The following WWOX variants were observed in gnomAD, a reference collection of about 807,000 sequenced individuals.
WWOX encodes WW domain containing oxidoreductase.
Under a neutral mutation model 46.2 loss-of-function variants are expected in WWOX, and 69 were observed. The ratio of observed to expected loss-of-function variants is 1.49; its 90% confidence interval spans 1.23 to 1.82. The LOEUF (loss-of-function observed/expected upper bound fraction) is 1.82. Among genes scored for constraint, WWOX ranks in the 40% most tolerant of loss-of-function variants. The pLI is 0.00. For missense variants in WWOX, 919 were observed against 542.6 expected (o/e 1.69, Z -6.89); for synonymous variants, 359 against 202.6 (o/e 1.77, Z -6.56).
intron 6 of WWOX, among the ~76,000 whole-genome samples, chr16:78,389,569 A>C (rs548415839): frequency 1.8e-4 from 27 of 152,258 alleles, no homozygotes; most frequent in African/African-American, 5.8e-4. Context: ...GTTTTGATTC[A>C]ATTCTCAAAG....
chr16:78,582,634 A>G (rs2045089034), intron 8 of WWOX, among the ~76,000 whole-genome samples: 1 of 152,158 alleles, frequency 6.6e-6, no homozygotes, highest in African/African-American at 2.4e-5. Flanking sequence ...GATTGGTCCA[A>G]CCTTAGCCCG....
intron 8 of WWOX, among the ~76,000 whole-genome samples, chr16:78,791,804 G>A (rs2550596): frequency 0.92 from 140,213 of 152,116 alleles, 64,841 homozygotes; most frequent in Non-Finnish European, 0.96. Flanking sequence ...CACTTGAACC[G>A]GAGAGGCAGA....
chr16:78,664,522 G>C (rs947550701), intron 8 of WWOX, among the ~76,000 whole-genome samples: 1 of 152,162 alleles, frequency 6.6e-6, no homozygotes, highest in African/African-American at 2.4e-5. Flanking sequence ...TCACTAGCAG[G>C]GATTCCAAGC....
intron 4 of WWOX, among the ~76,000 whole-genome samples, chr16:78,156,523 A>G (rs1160045812): frequency 1.3e-5 from 2 of 152,194 alleles, no homozygotes; most frequent in East Asian, 3.9e-4. Flanking sequence ...TGCAAGAACC[A>G]TTTGTTTCTT....
At chr16:78,700,369 T>A (rs1367613642) in intron 8 of WWOX, among the ~76,000 whole-genome samples, 6 of 149,414 alleles carry the variant, frequency 4.0e-5, no homozygotes. Context: ...AGACCATCTC[T>A]CTTGTGTGTC....
chr16:79,054,046 C>T (rs996286270), intron 8 of WWOX, among the ~76,000 whole-genome samples: 3 of 151,888 alleles, frequency 2.0e-5, no homozygotes, highest in Non-Finnish European at 1.5e-5. Context: ...TTTATTACCT[C>T]ATTATAATTG....
intron 4 of WWOX, among the ~76,000 whole-genome samples, chr16:78,156,300 G>C (rs2034595116): frequency 6.6e-6 from 1 of 151,938 alleles, no homozygotes; most frequent in South Asian, 2.1e-4. Flanking sequence ...GACTTAACAG[G>C]TTTGTTTGGG....
intron 8 of WWOX, 81 bp from the exon 9 acceptor site, chr16:79,211,527 A>G (rs753519505): frequency 3.2e-6 from 5 of 1,575,740 alleles, no homozygotes; most frequent in East Asian, 4.5e-5. Context: ...GAGGCCTGCT[A>G]ATGCCCAGGC....
chr16:78,668,834 G>C (rs973096152), intron 8 of WWOX, among the ~76,000 whole-genome samples: 2 of 152,174 alleles, frequency 1.3e-5, no homozygotes, highest in Non-Finnish European at 2.9e-5. Flanking sequence ...GAGCGTGTCT[G>C]AGTCTTCCTG....
chr16:78,317,141 G>A (rs527814212), intron 5 of WWOX, among the ~76,000 whole-genome samples: 1 of 152,304 alleles, frequency 6.6e-6, no homozygotes, highest in East Asian at 1.9e-4. Flanking sequence ...AAAGAATGGA[G>A]GAGTAAGGGA....
At chr16:78,905,149 A>T (rs1024682366) in intron 8 of WWOX, among the ~76,000 whole-genome samples, 2 of 152,146 alleles carry the variant, frequency 1.3e-5, no homozygotes, top group Admixed American at 6.6e-5. Flanking sequence ...CTGACCCTCT[A>T]TGAGGGGTTA....
chr16:78,184,427 C>T (rs566358128), intron 5 of WWOX, among the ~76,000 whole-genome samples: 21 of 152,150 alleles, frequency 1.4e-4, no homozygotes, highest in African/African-American at 5.1e-4. Flanking sequence ...TAGAAATAAT[C>T]ATGAACTTAG....
At chr16:79,128,655 A>G (rs1322369417) in intron 8 of WWOX, among the ~76,000 whole-genome samples, 1 of 152,212 alleles carries the variant, frequency 6.6e-6, no homozygotes. Context: ...GATTTCACTC[A>G]ACTGAGGAAT....
chr16:78,982,625 A>G (rs62036035), intron 8 of WWOX, among the ~76,000 whole-genome samples: 3,038 of 152,276 alleles, frequency 0.02, 56 homozygotes, highest in Non-Finnish European at 0.032. Context: ...AGGAGCAGGC[A>G]GAGAAGGAGG....
intron 8 of WWOX, among the ~76,000 whole-genome samples, chr16:79,075,701 C>T (rs535464411): frequency 6.6e-6 from 1 of 151,986 alleles, no homozygotes; most frequent in Non-Finnish European, 1.5e-5. Context: ...TATAGGTGTA[C>T]ATCACCACAC....
At chr16:78,544,070 A>G (rs1252118550) in intron 8 of WWOX, among the ~76,000 whole-genome samples, 1 of 152,190 alleles carries the variant, frequency 6.6e-6, no homozygotes, top group African/African-American at 2.4e-5. Flanking sequence ...AGCCTAGCCA[A>G]GCAGAAACCC....
At chr16:78,612,739 A>T (rs1175578902) in intron 8 of WWOX, among the ~76,000 whole-genome samples, 1 of 152,118 alleles carries the variant, frequency 6.6e-6, no homozygotes, top group Non-Finnish European at 1.5e-5. Context: ...AGCCTCCCAA[A>T]GTGCTGGGAT....
chr16:79,147,461 C>A (rs2050202289), intron 8 of WWOX, among the ~76,000 whole-genome samples: 2 of 152,176 alleles, frequency 1.3e-5, no homozygotes, highest in African/African-American at 4.8e-5. Flanking sequence ...AGTAGTATTC[C>A]ATGGTATTGT....
chr16:78,273,591 G>A (rs1438868833), intron 5 of WWOX, among the ~76,000 whole-genome samples: 1 of 152,174 alleles, frequency 6.6e-6, no homozygotes, highest in Non-Finnish European at 1.5e-5. Context: ...AAAGGAGGGT[G>A]GGGAGACCTG....
Sources: gnomAD v4.1 joint callset for allele counts (sites outside exome capture counted in the v4.1 genomes callset) on GRCh38, gnomAD v4.1.1 for gene constraint, MANE v1.5 for transcripts, NCBI Gene and HGNC (gene_info 2026-07-23, HGNC 2026-07-21) for gene names.